Variants in TSPOAP1 observed in about 807,000 individuals in gnomAD.
TSPOAP1 encodes TSPO associated protein 1.
A neutral mutation model predicts 197.0 loss-of-function variants in TSPOAP1; 87 were observed. That is an observed-to-expected ratio of 0.44 (90% CI 0.37 to 0.53). The LOEUF is 0.53. Ranked by LOEUF, TSPOAP1 falls within the 20% of genes least tolerant of loss-of-function variation. TSPOAP1 has a pLI of 0.00. For missense variants in TSPOAP1, 2,174 were observed against 2,411.3 expected (o/e 0.90, Z 2.06); for synonymous variants, 913 against 998.9 (o/e 0.91, Z 1.62).
chr17:58,322,358 C>T lies in TSPOAP1; in HGVS notation c.1372G>A (p.Ala458Thr), dbSNP rs368113822. The change falls in exon 10 of 32, where the codon GCT (alanine) becomes ACT (threonine). Residue 458 changes from alanine to threonine, a missense_variant. Ala to Thr is a moderately conservative substitution (Grantham distance 58). This residue lies in a region of TSPOAP1 where 1,933 missense variants were observed against 2,139.0 expected (regional missense o/e 0.90). Transcript: ENST00000343736. This position sits in a 1 kb window ranked among gnomAD's most constrained non-coding sequence, Gnocchi z 5.0. ...RQQLEVEHEQ[A>T]RLSLREKQEE... ...TGCTTCTCCCGTAGGCTGAGCCGAG[C>T]CTGTTCATGCTCCACCTCCAGCTGC... 1 of 1,605,866 alleles carries T rather than the reference C, an allele frequency of 6.2e-7. No homozygotes were observed. Among genetic ancestry groups the T allele is most frequent in the Non-Finnish European group, 8.5e-7 (1 of 1,179,974 alleles).
At chr17:58,302,509 T>C in intron 31 of TSPOAP1, 62 bp from the exon 32 acceptor site, 1 of 1,143,044 alleles carries the variant, frequency 8.7e-7, no homozygotes, top group Admixed American at 3.9e-5. Flanking sequence ...CCCTGACCCA[T>C]TTTTTCCACA....
At chr17:58,318,941 C>T in intron 13 of TSPOAP1, 149 bp downstream of exon 13, 1 of 930,310 alleles carries the variant, frequency 1.1e-6, no homozygotes, top group East Asian at 2.7e-5. Flanking sequence ...TTATTTTTCC[C>T]CAACAGAACG....
rs142495996 is a variant in TSPOAP1 at position 58,308,833 on chromosome 17, C to T, written c.4439G>A (p.Arg1480Gln). 8,341 of 1,611,746 alleles carry T rather than the reference C, an allele frequency of 5.2e-3. 24 individuals carry two copies. Among genetic ancestry groups the T allele is most frequent in the Non-Finnish European group, 6.6e-3 (7,738 of 1,179,162 alleles). ...LGPSRRCSRG[R>Q]ALEPGLASCL... Reference sequence around the variant, plus strand: ...GCTGGCCAGGCCAGGCTCCAGCGCCCGGCCACGGGAGCACCTCCGGGAAGG... The same window carrying T: ...GCTGGCCAGGCCAGGCTCCAGCGCCTGGCCACGGGAGCACCTCCGGGAAGG... The change falls in exon 22 of 32, where the codon CGG becomes CAG. Residue 1480 changes from arginine (R) to glutamine (Q), a missense_variant. This residue lies in a region of TSPOAP1 where 1,933 missense variants were observed against 2,139.0 expected (regional missense o/e 0.90). Coordinates refer to ENST00000343736, the MANE Select transcript of TSPOAP1 (RefSeq NM_004758.4).
At position 58,309,058 on chromosome 17, in the gene TSPOAP1, C is replaced by T. The variant is rs372248342; in HGVS notation, c.4214G>A (p.Arg1405Gln). The T allele has an allele frequency of 1.1e-5, 18 of 1,612,466 alleles. No homozygotes were observed. Among genetic ancestry groups the T allele is most frequent in the African/African-American group, 5.3e-5 (4 of 74,930 alleles). The change falls in exon 22 of 32, where the codon CGG becomes CAG. Residue 1405 changes from arginine to glutamine, a missense_variant. By Grantham distance (43) the Arg-to-Gln change is conservative. Transcript: ENST00000343736. The surrounding 1 kb of genome is among the most constrained non-coding windows in gnomAD (Gnocchi z 5.0). ...DMPGLVGGSS[R>Q]RRGGGSPEKP... is the part of the protein sequence containing the mutation. ...CTCAGGGGAGCCCCCTCCTCTCCTC[C>T]GGCTGCTTCCACCAACTAATCCAGG...
At chr17:58,317,375 C>A (rs1042727292) in intron 14 of TSPOAP1, among the ~76,000 whole-genome samples, 3 of 152,202 alleles carry the variant, frequency 2.0e-5, no homozygotes, top group Admixed American at 6.5e-5. Flanking sequence ...AACTTCCCGT[C>A]TACTTGCCCG....
chr17:58,327,011 G>T (rs1184192502), intron 1 of TSPOAP1, among the ~76,000 whole-genome samples: 1 of 152,186 alleles, frequency 6.6e-6, no homozygotes, highest in East Asian at 1.9e-4. Flanking sequence ...GCACCCTCCT[G>T]CTCCTCCCTG....
intron 5 of TSPOAP1, 98 bp from the exon 6 acceptor site, chr17:58,323,643 A>G: frequency 7.8e-7 from 1 of 1,281,182 alleles, no homozygotes; most frequent in Non-Finnish European, 1.1e-6. Context: ...CCACCCCATC[A>G]TTCAGCCAGC....
Position 58,311,180 on chromosome 17 carries a change from C to T in TSPOAP1, c.3115G>A (p.Val1039Ile), listed in dbSNP as rs1971068350. Residue 1039 changes from valine (V) to isoleucine (I), a missense_variant, in exon 19 of 32, where the codon GTA becomes ATA. Physicochemically the swap from Val to Ile is conservative, Grantham distance 29. Around this residue, in one of 5 missense-constraint regions of TSPOAP1, gnomAD observed 1,933 missense variants for 2,139.0 expected, o/e 0.90. Coordinates refer to ENST00000343736, the MANE Select transcript of TSPOAP1 (RefSeq NM_004758.4). Reference protein sequence around the residue: ...MEVASPTAGSVLVELSQLQLL... With the variant: ...MEVASPTAGSILVELSQLQLL... ...TGCAGCTGGGACAACTCCACCAGTA[C>T]ACTGCCTGCCGTGGGTGAGGCCACC... is the stretch of plus-strand genomic sequence containing the variant. 1.2e-6 allele frequency: 2 copies of T among 1,611,840 alleles called. No individual in the cohort carries two copies. Among genetic ancestry groups the T allele is most frequent in the East Asian group, 2.2e-5 (1 of 44,844 alleles).
chr17:58,322,157 A>C lies in TSPOAP1; in HGVS notation c.1422+151T>G. 1.4e-6 allele frequency: 1 copy of C among 697,104 alleles called. No individual in the cohort carries two copies. Among genetic ancestry groups the C allele is most frequent in the Non-Finnish European group, 2.4e-6 (1 of 415,520 alleles). The allele number at this position is 697,104 out of a possible 1,614,324, so 43.2% of individuals were successfully genotyped here. On this transcript the variant is annotated intron_variant, in intron 10 of 31. Coordinates refer to ENST00000343736, the MANE Select transcript of TSPOAP1 (RefSeq NM_004758.4). The surrounding 1 kb of genome is among the most constrained non-coding windows in gnomAD (Gnocchi z 5.0). ...TGAAATCAGCTCACTCCTGGATGCT[A>C]ATTTGCTGACTGCTCAGGGACCTGG...
At position 58,304,189 on chromosome 17, in the gene TSPOAP1, A is replaced by G; in HGVS notation, c.*32+149T>C. Reference sequence around the variant, plus strand: ...GAGGGGGAGGGATGACTCTTCATGCAAATCTGGCTCATGGCAAGCTCTCCT... The same window carrying G: ...GAGGGGGAGGGATGACTCTTCATGCGAATCTGGCTCATGGCAAGCTCTCCT... On this transcript the variant is annotated intron_variant, in intron 31 of 31. Coordinates refer to ENST00000343736, the MANE Select transcript of TSPOAP1 (RefSeq NM_004758.4). The surrounding 1 kb of genome is among the most constrained non-coding windows in gnomAD (Gnocchi z 4.2). The G allele has an allele frequency of 1.6e-6, 1 of 633,726 alleles. No individual in the cohort carries two copies. Among genetic ancestry groups the G allele is most frequent in the Admixed American group, 2.6e-5 (1 of 37,744 alleles). 39.3% of individuals were successfully genotyped at this position (633,726 alleles called of 1,614,324 possible).
Position 58,324,756 on chromosome 17 carries a change from GTTCCCCCCACC to G in TSPOAP1, c.942+44_942+54del. 1 of 1,369,726 alleles carries G rather than the reference GTTCCCCCCACC, an allele frequency of 7.3e-7. No individual in the cohort carries two copies. Among genetic ancestry groups the G allele is most frequent in the Non-Finnish European group, 9.6e-7 (1 of 1,046,600 alleles). 84.8% of individuals were successfully genotyped at this position (1,369,726 alleles called of 1,614,324 possible). On this transcript the variant is annotated intron_variant, in intron 5 of 31. Coordinates refer to ENST00000343736, the MANE Select transcript of TSPOAP1 (RefSeq NM_004758.4). The surrounding 1 kb of genome is among the most constrained non-coding windows in gnomAD (Gnocchi z 5.8). ...CGGTGCAGGGGAGATCCCGGTGGTCGTTCCCCCCACCCATCTGCACGCACCCACACACCTGC... is the reference window on the plus strand; with the variant it reads ...CGGTGCAGGGGAGATCCCGGTGGTCGCATCTGCACGCACCCACACACCTGC...
chr17:58,327,224 G>C (rs1971653972), intron 1 of TSPOAP1, among the ~76,000 whole-genome samples: 1 of 151,396 alleles, frequency 6.6e-6, no homozygotes, highest in Non-Finnish European at 1.5e-5. Flanking sequence ...CTGATTCTCT[G>C]TGCACCTCCA....
At chr17:58,315,982 G>A (rs1396927497) in intron 16 of TSPOAP1, 41 bp downstream of exon 16, 3 of 1,468,512 alleles carry the variant, frequency 2.0e-6, no homozygotes, top group Middle Eastern at 1.7e-4. Context: ...TGGGCTCAAA[G>A]GCAGGGGAAT....
chr17:58,305,893 C>CCCG, intron 26 of TSPOAP1, 28 bp from the exon 27 acceptor site: 1 of 1,607,998 alleles, frequency 6.2e-7, no homozygotes, highest in Non-Finnish European at 8.5e-7. Flanking sequence ...CTGTGAGCCC[C>CCCG]CTCCCACCCT....
chr17:58,306,236 G>T, intron 26 of TSPOAP1, 106 bp downstream of exon 26: 1 of 1,189,154 alleles, frequency 8.4e-7, no homozygotes, highest in Non-Finnish European at 1.2e-6. Context: ...CCACCCACCA[G>T]CACACACATC....
chr17:58,304,350 C>G lies in TSPOAP1; in HGVS notation c.*20G>C. On this transcript the variant is annotated 3_prime_UTR_variant, in exon 31 of 32. Transcript: ENST00000343736. This position sits in a 1 kb window ranked among gnomAD's most constrained non-coding sequence, Gnocchi z 4.2. Reference sequence around the variant, plus strand: ...GTCCCCCACTTACATGTTGCTCTCTCTACATATATCTATCTCCATCTAGCA... The same window carrying G: ...GTCCCCCACTTACATGTTGCTCTCTGTACATATATCTATCTCCATCTAGCA... 1 of 1,613,824 alleles carries G rather than the reference C, an allele frequency of 6.2e-7. No individual in the cohort carries two copies. The highest frequency in any genetic ancestry group is 8.5e-7 in the Non-Finnish European group (1 of 1,179,702).
At position 58,326,385 on chromosome 17, in the gene TSPOAP1, G is replaced by C; in HGVS notation, c.478C>G (p.Arg160Gly). The change falls in exon 3 of 32, where the codon CGG becomes GGG. Residue 160 changes from arginine to glycine, a missense_variant. Physicochemically the swap from Arg to Gly is moderately radical, Grantham distance 125. This residue lies in a region of TSPOAP1 where 1,933 missense variants were observed against 2,139.0 expected (regional missense o/e 0.90). Coordinates refer to ENST00000343736, the MANE Select transcript of TSPOAP1 (RefSeq NM_004758.4). This position sits in a 1 kb window ranked among gnomAD's most constrained non-coding sequence, Gnocchi z 4.7. ...SSFPETEEKVRRLKRKNAELA... is the reference protein window; with the variant it reads ...SSFPETEEKVGRLKRKNAELA... ...TCGGCGTTCTTCCTCTTCAGCCTCC[G>C]CACCTTCTCTTCTGTCTCAGGGAAG... The C allele has an allele frequency of 6.2e-7, 1 of 1,613,874 alleles. No homozygotes were observed.
chr17:58,323,059 C>T lies in TSPOAP1; in HGVS notation c.1105-20G>A. On this transcript the variant is annotated intron_variant, in intron 7 of 31. Transcript: ENST00000343736. Reference sequence around the variant, plus strand: ...CAGTTCCTGAGCGGGCAGAGGAGCTCTCAGGAGGGAGCCCAGCACCCACAT... The same window carrying T: ...CAGTTCCTGAGCGGGCAGAGGAGCTTTCAGGAGGGAGCCCAGCACCCACAT... 1.3e-6 allele frequency: 2 copies of T among 1,596,432 alleles called. No homozygotes were observed. The highest frequency in any genetic ancestry group is 1.7e-6 in the Non-Finnish European group (2 of 1,171,472).
chr17:58,310,294 G>T (rs1971040461), intron 20 of TSPOAP1, 136 bp from the exon 21 acceptor site: 9 of 1,102,180 alleles, frequency 8.2e-6, no homozygotes, highest in Non-Finnish European at 1.0e-5. Flanking sequence ...AATGGGGGAG[G>T]CACACCATGG....
Sources: allele counts gnomAD v4.1 joint callset (sites outside exome capture counted in the v4.1 genomes callset), GRCh38; gene constraint gnomAD v4.1.1; regional missense constraint gnomAD v4.1.1; non-coding constraint Gnocchi (gnomAD v3.1); transcripts MANE v1.5; gene names NCBI Gene and HGNC (gene_info 2026-07-23, HGNC 2026-07-21).